The following PKHD1 variants were observed in gnomAD, a reference collection of about 807,000 sequenced individuals.
PKHD1 encodes the protein fibrocystin.
Under a neutral mutation model 412.0 loss-of-function variants are expected in PKHD1, and 291 were observed. The observed-to-expected ratio is 0.71, with a 90% CI of 0.64 to 0.78. The LOEUF (loss-of-function observed/expected upper bound fraction) is 0.78. Among genes scored for constraint, PKHD1 ranks in the 30% least tolerant of loss-of-function variants. PKHD1 has a pLI of 0.00. For missense variants in PKHD1, 4,825 were observed against 4,950.7 expected, an observed-to-expected ratio of 0.97 and a Z score of 0.76; for synonymous variants, 1,777 against 1,821.5, an observed-to-expected ratio of 0.98 and a Z score of 0.62.
chr6:51,641,384 T>C (rs2150339396), intron 63 of PKHD1, among the ~76,000 whole-genome samples: 1 of 152,258 alleles, frequency 6.6e-6, no homozygotes, highest in African/African-American at 2.4e-5. Flanking sequence ...AGAATGGCAA[T>C]CATTAAAAAG....
Position 52,058,606 on chromosome 6 carries a change from G to A in PKHD1, c.1234-5C>T, listed in dbSNP as rs116124750. ...GCTGATGGAGGCCACTTTCACCTAT[G>A]CCCAAATAAGCATATCATGATCAAT... On this transcript the variant is annotated splice_region_variant and splice_polypyrimidine_tract_variant and intron_variant, in intron 15 of 66. Coordinates refer to ENST00000371117, the MANE Select transcript of PKHD1 (RefSeq NM_138694.4). 3,674 of 1,613,502 alleles carry A rather than the reference G, an allele frequency of 2.3e-3. 66 individuals carry two copies. In the African/African-American group the frequency reaches 0.041, roughly 18 times the overall value.
At chr6:51,755,431 G>A (rs1200989658) in intron 55 of PKHD1, among the ~76,000 whole-genome samples, 1 of 152,096 alleles carries the variant, frequency 6.6e-6, no homozygotes, top group Non-Finnish European at 1.5e-5. Context: ...TCGTAGAGGT[G>A]TCACTTACCA....
chr6:51,661,923 CATATG>C (rs1222626263), intron 60 of PKHD1, among the ~76,000 whole-genome samples: 3 of 151,908 alleles, frequency 2.0e-5, no homozygotes, highest in East Asian at 1.9e-4. Context: ...TTCTTCCATC[CATATG>C]ATATAATTAT....
chr6:51,754,737 T>C, intron 56 of PKHD1, 47 bp downstream of exon 56: 1 of 1,553,422 alleles, frequency 6.4e-7, no homozygotes, highest in Non-Finnish European at 8.9e-7. Flanking sequence ...CCAAACATGG[T>C]CTTCCTAGCT....
At chr6:51,970,521 T>A (rs1793508947) in intron 35 of PKHD1, among the ~76,000 whole-genome samples, 1 of 152,242 alleles carries the variant, frequency 6.6e-6, no homozygotes, top group African/African-American at 2.4e-5. Context: ...ATAAATACTT[T>A]GCCTAGGCCA....
chr6:51,739,155 T>G (rs963986941), intron 60 of PKHD1, among the ~76,000 whole-genome samples: 1 of 148,630 alleles, frequency 6.7e-6, no homozygotes, highest in Non-Finnish European at 1.5e-5. Context: ...TACACACATA[T>G]AAAATATACT....
chr6:51,739,273 C>G (rs948977158), intron 60 of PKHD1, among the ~76,000 whole-genome samples: 1 of 151,682 alleles, frequency 6.6e-6, no homozygotes, highest in African/African-American at 2.4e-5. Context: ...CTCTGTCAAC[C>G]AGGCTGGAGT....
intron 37 of PKHD1, among the ~76,000 whole-genome samples, chr6:51,914,723 T>A (rs1282956503): frequency 6.6e-6 from 1 of 152,066 alleles, no homozygotes; most frequent in East Asian, 1.9e-4. Context: ...GTGACCCTAC[T>A]TTATGGTCTC....
intron 51 of PKHD1, among the ~76,000 whole-genome samples, chr6:51,832,795 C>G (rs1044468577): frequency 6.6e-6 from 1 of 152,008 alleles, no homozygotes; most frequent in African/African-American, 2.4e-5. Flanking sequence ...ATTTTTTCTA[C>G]CAGACCCAAT....
At chr6:51,873,389 T>A (rs1776315540) in intron 46 of PKHD1, among the ~76,000 whole-genome samples, 1 of 152,132 alleles carries the variant, frequency 6.6e-6, no homozygotes. Context: ...TGGGGTTGAA[T>A]GGGGGGACAA....
intron 52 of PKHD1, among the ~76,000 whole-genome samples, chr6:51,803,220 AT>A (rs923076974): frequency 6.6e-6 from 1 of 151,406 alleles, no homozygotes; most frequent in African/African-American, 2.5e-5. Context: ...TATTTTCCAT[AT>A]TTTTTGGAAA....
intron 45 of PKHD1, among the ~76,000 whole-genome samples, chr6:51,884,662 A>G (rs544031303): frequency 6.6e-6 from 1 of 152,128 alleles, no homozygotes; most frequent in East Asian, 1.9e-4. Flanking sequence ...TTTTTCCTTC[A>G]TAGGTTTAGC....
At chr6:52,018,688 G>A (rs1415176415) in intron 33 of PKHD1, among the ~76,000 whole-genome samples, 1 of 152,002 alleles carries the variant, frequency 6.6e-6, no homozygotes, top group Non-Finnish European at 1.5e-5. Context: ...ATGATCTTTT[G>A]TATTTTAGCA....
At chr6:51,928,639 G>A (rs548737808) in intron 37 of PKHD1, among the ~76,000 whole-genome samples, 56 of 152,152 alleles carry the variant, frequency 3.7e-4, no homozygotes, top group African/African-American at 1.3e-3. Context: ...GACTTTGGGA[G>A]GCCTCCCCTG....
rs752866495 is a variant in PKHD1, at chr6:52,065,092, G to A, written c.881-42C>T. ...AAATTTATGTATGTGTGTGTGTGTAGGTATACATATATATGTATATGTGTG... is the reference window on the plus strand; with the variant it reads ...AAATTTATGTATGTGTGTGTGTGTAAGTATACATATATATGTATATGTGTG... On this transcript the variant is annotated intron_variant, in intron 12 of 66. Coordinates refer to ENST00000371117, the MANE Select transcript of PKHD1 (RefSeq NM_138694.4). The A allele has an allele frequency of 9.6e-6, 7 of 731,990 alleles. No homozygotes were observed. In the East Asian group the frequency reaches 1.2e-4, roughly 13 times the overall value. The allele number at this position is 731,990 out of a possible 1,614,324, so 45.3% of individuals were successfully genotyped here.
chr6:51,889,055 A>G (rs1192486193), intron 43 of PKHD1, among the ~76,000 whole-genome samples: 1 of 152,088 alleles, frequency 6.6e-6, no homozygotes, highest in Non-Finnish European at 1.5e-5. Context: ...TAGGCTGCTC[A>G]GGTGTAAGCC....
At chr6:51,719,582 C>T (rs1562161895) in intron 60 of PKHD1, among the ~76,000 whole-genome samples, 1 of 152,120 alleles carries the variant, frequency 6.6e-6, no homozygotes, top group Admixed American at 6.5e-5. Context: ...CCTCTCCCCA[C>T]ATTGAGAAAC....
At chr6:52,053,298 A>G (rs774331947) in intron 20 of PKHD1, 47 bp from the exon 21 acceptor site, 19 of 1,595,940 alleles carry the variant, frequency 1.2e-5, no homozygotes, top group Non-Finnish European at 1.6e-5. Flanking sequence ...GAGCACTTGC[A>G]GTCCTCTCCG....
At chr6:51,862,285 C>T (rs1562486135) in intron 48 of PKHD1, among the ~76,000 whole-genome samples, 1 of 152,204 alleles carries the variant, frequency 6.6e-6, no homozygotes, top group Non-Finnish European at 1.5e-5. Context: ...AGTTGTTAAA[C>T]ATTTACCAGC....
Sources: allele counts gnomAD v4.1 joint callset (sites outside exome capture counted in the v4.1 genomes callset), GRCh38; gene constraint gnomAD v4.1.1; transcripts MANE v1.5; gene names NCBI Gene and HGNC (gene_info 2026-07-23, HGNC 2026-07-21).